PIGF: variants seen among roughly 807,000 people sequenced by gnomAD.
PIGF encodes GPI ethanolamine phosphate transferase, stabilizing subunit.
Under a neutral mutation model 26.0 loss-of-function variants are expected in PIGF, and 23 were observed. That is an observed-to-expected ratio of 0.88 (90% confidence interval 0.64 to 1.25). The LOEUF is 1.25. PIGF is among the 50% of genes most tolerant of loss of function. PIGF has a pLI of 0.00. For missense variants in PIGF, 278 were observed against 249.9 expected, an observed-to-expected ratio of 1.11 and a Z score of -0.76; for synonymous variants, 93 against 92.6, an observed-to-expected ratio of 1.00 and a Z score of -0.03.
intron 4 of PIGF, among the ~76,000 whole-genome samples, chr2:46,609,979 C>A (rs1402416819): frequency 6.6e-6 from 1 of 152,118 alleles, no homozygotes; most frequent in Non-Finnish European, 1.5e-5. Flanking sequence ...CACAAACCTT[C>A]AATTTATAAA....
At chr2:46,599,507 C>T (rs1050331110) in intron 4 of PIGF, among the ~76,000 whole-genome samples, 11 of 152,158 alleles carry the variant, frequency 7.2e-5, no homozygotes, top group East Asian at 5.8e-4. Context: ...CTCCCTACCC[C>T]GCATTCATTT....
At chr2:46,609,892 AT>A (rs370551927) in intron 4 of PIGF, among the ~76,000 whole-genome samples, 11 of 152,212 alleles carry the variant, frequency 7.2e-5, no homozygotes, top group African/African-American at 2.7e-4. Flanking sequence ...AGCTTGAAAT[AT>A]TGTGAGAGTT....
intron 4 of PIGF, 26 bp from the exon 5 acceptor site, chr2:46,592,609 T>G: frequency 2.5e-6 from 3 of 1,178,104 alleles, no homozygotes; most frequent in Non-Finnish European, 3.8e-6. Context: ...TGGTACATCG[T>G]TGGTGGTATA....
chr2:46,591,514 C>G, intron 5 of PIGF: 1 of 878,632 alleles, frequency 1.1e-6, no homozygotes, highest in Non-Finnish European at 1.4e-6. Context: ...TACCATAATT[C>G]TTTTTGGGAG....
intron 4 of PIGF, among the ~76,000 whole-genome samples, chr2:46,609,087 C>G (rs576263682): frequency 1.3e-5 from 2 of 152,316 alleles, no homozygotes; most frequent in East Asian, 3.9e-4. Flanking sequence ...GCTGTTTTGT[C>G]TACATTAAAA....
intron 4 of PIGF, among the ~76,000 whole-genome samples, chr2:46,608,678 G>A (rs1670300953): frequency 6.6e-6 from 1 of 152,060 alleles, no homozygotes; most frequent in African/African-American, 2.4e-5. Flanking sequence ...ATCTTGTGTT[G>A]TAGGCATGAA....
At chr2:46,582,292 GAAA>G (rs1157319785) in intron 5 of PIGF, 1 of 150,446 alleles carries the variant, frequency 6.6e-6, no homozygotes, top group South Asian at 2.1e-4. Flanking sequence ...AAAAAAAAAA[GAAA>G]AAAAAGTTGG....
At chr2:46,614,718 TGAA>T (rs1670551835) in intron 2 of PIGF, 1 of 449,916 alleles carries the variant, frequency 2.2e-6, no homozygotes, top group African/African-American at 2.0e-5. Context: ...TAATATGCTC[TGAA>T]GAAGTCATAA....
At chr2:46,581,787 C>T in intron 5 of PIGF, 196 bp from the exon 6 acceptor site, 2 of 677,062 alleles carry the variant, frequency 3.0e-6, no homozygotes, top group Non-Finnish European at 4.3e-6. Context: ...TAAACTGTAA[C>T]AAGGCTTCTG....
chr2:46,617,019 A>C lies in PIGF; in HGVS notation c.-71T>G, dbSNP rs1209242679. 1 of 581,888 alleles carries C rather than the reference A, an allele frequency of 1.7e-6. No homozygotes were observed. The highest frequency in any genetic ancestry group is 3.0e-5 in the East Asian group (1 of 33,556). 36.0% of individuals were successfully genotyped at this position (581,888 alleles called of 1,614,324 possible). The stretch of plus-strand genomic sequence containing the variant: ...AAGCGGGGAACTACTGCCTCCTACC[A>C]TCAGGTACGACGGGCGGCCCAGGCC... On this transcript the variant is annotated 5_prime_UTR_variant, in exon 1 of 6. An upstream start codon of the reference 5' UTR is lost. Coordinates refer to ENST00000281382, the MANE Select transcript of PIGF (RefSeq NM_002643.4).
chr2:46,591,076 A>G (rs1669709252), intron 5 of PIGF, among the ~76,000 whole-genome samples: 1 of 152,236 alleles, frequency 6.6e-6, no homozygotes, highest in Non-Finnish European at 1.5e-5. Flanking sequence ...AAAATTGGAC[A>G]AATATGCAAA....
chr2:46,592,401 C>T, intron 5 of PIGF, 74 bp downstream of exon 5: 1 of 785,166 alleles, frequency 1.3e-6, no homozygotes, highest in Non-Finnish European at 2.3e-6. Context: ...TACATATACA[C>T]ACTAGTTTGC....
Position 46,612,276 on chromosome 2 carries a change from A to G in PIGF, c.389T>C (p.Leu130Ser). The change falls in exon 4 of 6, where the codon TTG becomes TCG. Residue 130 changes from leucine to serine, a missense_variant. Coordinates refer to ENST00000281382, the MANE Select transcript of PIGF (RefSeq NM_002643.4). ...CCATGCTTTGAGGTTTGGTCCTAAC[A>G]AACATAAGCAAGGCACAGTAGTAAA... ...STFTTVPCLC[L>S]LGPNLKAWLR... 2.7e-6 allele frequency: 4 copies of G among 1,488,304 alleles called. No individual in the cohort carries two copies. Among genetic ancestry groups the G allele is most frequent in the Non-Finnish European group, 3.6e-6 (4 of 1,112,468 alleles). 92.2% of individuals were successfully genotyped at this position (1,488,304 alleles called of 1,614,324 possible). A position where few individuals can be genotyped will look rare whatever the true frequency, so the allele number is the denominator to read the frequency against.
chr2:46,612,228 C>T lies in PIGF; in HGVS notation c.437G>A (p.Gly146Glu). The change falls in exon 4 of 6, where the codon GGA (glycine) becomes GAA (glutamate). Residue 146 changes from glycine to glutamate, a missense_variant and splice_region_variant. Transcript: ENST00000281382. ...ATTATAATATAAAATTAAAACTTAC[C>T]CATTTCTACTGAACACTCTTAGCCA... Reference protein sequence around the residue: ...KAWLRVFSRNGVTSIWENSLQ... With the variant: ...KAWLRVFSRNEVTSIWENSLQ... The T allele has an allele frequency of 1.0e-6, 1 of 962,350 alleles. No homozygotes were observed. The highest frequency in any genetic ancestry group is 1.4e-6 in the Non-Finnish European group (1 of 695,804). The allele number at this position is 962,350 out of a possible 1,614,324, so 59.6% of individuals were successfully genotyped here. A position where few individuals can be genotyped will look rare whatever the true frequency, so the allele number is the denominator to read the frequency against.
intron 1 of PIGF, chr2:46,616,419 G>C (rs1670630531): frequency 6.6e-6 from 1 of 152,424 alleles, no homozygotes; most frequent in South Asian, 2.1e-4. Context: ...GCTGCCAGCA[G>C]CAGATGTGGA....
In PIGF at chr2:46,588,169, T is replaced by C; in HGVS notation, c.546+4306A>G. On this transcript the variant is annotated intron_variant, in intron 5 of 5. Coordinates refer to ENST00000281382, the MANE Select transcript of PIGF (RefSeq NM_002643.4). This position sits in a 1 kb window ranked among gnomAD's most constrained non-coding sequence, Gnocchi z 4.1. ...AGATCTATAAGTGCTACGTTTTCTT[T>C]CTACTGTCATCTGAAATGTCAGACA... is the stretch of plus-strand genomic sequence containing the variant. 1 of 1,612,462 alleles carries C rather than the reference T, an allele frequency of 6.2e-7. No individual in the cohort carries two copies. Among genetic ancestry groups the C allele is most frequent in the African/African-American group, 1.3e-5 (1 of 74,912 alleles).
At position 46,593,097 on chromosome 2, in the gene PIGF, T is replaced by C. The variant is rs113067606; in HGVS notation, c.438-514A>G. On this transcript the variant is annotated intron_variant, in intron 4 of 5. Transcript: ENST00000281382. ...TGTTAACAGCTGTAACAGTATTCCA[T>C]TGTATGGATGGTGCATCATTTATTC... Among the ~76,000 whole-genome samples, 596 of 152,176 alleles carry C rather than the reference T, an allele frequency of 3.9e-3. 5 individuals are homozygous for C. Among genetic ancestry groups the C allele is most frequent in the African/African-American group, 0.014 (562 of 41,522 alleles).
intron 4 of PIGF, among the ~76,000 whole-genome samples, chr2:46,594,826 G>A (rs1032479874): frequency 2.0e-5 from 3 of 146,600 alleles, no homozygotes; most frequent in African/African-American, 5.0e-5. Context: ...GAGCCACTGC[G>A]CCCGGCCCTC....
intron 4 of PIGF, among the ~76,000 whole-genome samples, chr2:46,611,289 T>C (rs1204807526): frequency 6.6e-6 from 1 of 151,876 alleles, no homozygotes; most frequent in Non-Finnish European, 1.5e-5. Context: ...ATCAAGACCA[T>C]CCTGGCCAGT....
Sources: allele counts gnomAD v4.1 joint callset (sites outside exome capture counted in the v4.1 genomes callset), GRCh38; gene constraint gnomAD v4.1.1; non-coding constraint Gnocchi (gnomAD v3.1); transcripts MANE v1.5; gene names NCBI Gene and HGNC (gene_info 2026-07-23, HGNC 2026-07-21).